APOLD1: variants seen among roughly 807,000 people sequenced by gnomAD.
The protein encoded by APOLD1 is apolipoprotein L domain-containing protein 1.
APOLD1 carries 22 observed loss-of-function variants against 15.3 expected under a neutral mutation model. The observed-to-expected ratio is 1.44, with a 90% confidence interval of 1.03 to 2.05. APOLD1 has a LOEUF of 2.05. Among genes scored for constraint, APOLD1 ranks in the 30% most tolerant of loss-of-function variants. The pLI is 0.00. For missense variants in APOLD1, 394 were observed against 353.5 expected, an observed-to-expected ratio of 1.11 and a Z score of -0.92; for synonymous variants, 190 against 167.4, an observed-to-expected ratio of 1.13 and a Z score of -1.04.
chr12:12,773,252 C>G (rs979077865), intron 1 of APOLD1, among the ~76,000 whole-genome samples: 4 of 152,066 alleles, frequency 2.6e-5, no homozygotes, highest in African/African-American at 9.7e-5. Flanking sequence ...AAAAGAAGAA[C>G]AAATTAAGTC....
In APOLD1 at chr12:12,773,353, G is replaced by A. The variant is rs369419153; in HGVS notation, c.97-13556G>A. Among the ~76,000 whole-genome samples, 8 of 152,206 alleles carry A rather than the reference G, an allele frequency of 5.3e-5. No homozygotes were observed. In the East Asian group the frequency reaches 7.7e-4, roughly 15 times the overall value. On this transcript the variant is annotated intron_variant, in intron 1 of 1. Transcript: ENST00000326765. ...AAGTGGGAAGATTGCTTGAGGCCAG[G>A]AGTTCAAGAACCAGGGTGGGCAACA...
chr12:12,734,952 C>T (rs1402269454), intron 1 of APOLD1, among the ~76,000 whole-genome samples: 4 of 152,130 alleles, frequency 2.6e-5, no homozygotes, highest in African/African-American at 9.7e-5. Flanking sequence ...GGATGAGTGC[C>T]ATGAAGGGAC....
chr12:12,763,592 G>A (rs1592301709), intron 1 of APOLD1, among the ~76,000 whole-genome samples: 1 of 152,084 alleles, frequency 6.6e-6, no homozygotes, highest in Admixed American at 6.6e-5. Flanking sequence ...TGTAGCATTT[G>A]CATTCTATCA....
intron 1 of APOLD1, among the ~76,000 whole-genome samples, chr12:12,749,514 G>T (rs968045828): frequency 2.0e-5 from 3 of 152,218 alleles, no homozygotes; most frequent in Admixed American, 6.5e-5. Flanking sequence ...CAGAGTCTTA[G>T]TTTCCATAGA....
chr12:12,741,390 T>C (rs755747365), intron 1 of APOLD1, among the ~76,000 whole-genome samples: 9 of 152,118 alleles, frequency 5.9e-5, no homozygotes, highest in Non-Finnish European at 1.0e-4. Context: ...ACATTTTTCT[T>C]TTTTTGTAGA....
chr12:12,738,751 G>C (rs1329781868), intron 1 of APOLD1, among the ~76,000 whole-genome samples: 1 of 152,128 alleles, frequency 6.6e-6, no homozygotes, highest in African/African-American at 2.4e-5. Context: ...AAAGAAGTTT[G>C]ACATCTGCCT....
intron 1 of APOLD1, among the ~76,000 whole-genome samples, chr12:12,730,026 TTGTGTGTGTGTGTGTGTGTG>T (rs749843349): frequency 3.1e-4 from 36 of 117,736 alleles, no homozygotes; most frequent in African/African-American, 6.8e-4. Context: ...CCAGCTAACT[TTGTGTGTGTGTGTGTGTGTG>T]TGTGTGTGTG....
chr12:12,750,488 A>G (rs1416233383), intron 1 of APOLD1, among the ~76,000 whole-genome samples: 1 of 151,726 alleles, frequency 6.6e-6, no homozygotes, highest in African/African-American at 2.4e-5. Flanking sequence ...TTTATCTTTA[A>G]TGTCTCATGA....
intron 1 of APOLD1, among the ~76,000 whole-genome samples, chr12:12,773,740 T>C (rs1947005872): frequency 6.6e-6 from 1 of 152,140 alleles, no homozygotes; most frequent in Non-Finnish European, 1.5e-5. Context: ...GGTGAAAGAC[T>C]AGAAAAACAG....
intron 1 of APOLD1, 47 bp from the exon 2 acceptor site, chr12:12,786,862 G>A (rs1565439018): frequency 7.3e-7 from 1 of 1,368,170 alleles, no homozygotes; most frequent in Non-Finnish European, 9.4e-7. Flanking sequence ...CGGGAGCGGC[G>A]GCTGGCACGG....
intron 1 of APOLD1, among the ~76,000 whole-genome samples, chr12:12,776,715 GC>G (rs1315370924): frequency 5.3e-5 from 8 of 152,176 alleles, no homozygotes; most frequent in African/African-American, 1.9e-4. Flanking sequence ...AGTAAGATTA[GC>G]AAAGATACAT....
intron 1 of APOLD1, among the ~76,000 whole-genome samples, chr12:12,755,036 G>A (rs1051149765): frequency 1.4e-4 from 22 of 151,896 alleles, no homozygotes; most frequent in African/African-American, 2.4e-4. Flanking sequence ...ACAGAGTGAG[G>A]CCCTCTCTCA....
chr12:12,781,057 G>A (rs554061861), upstream of APOLD1, among the ~76,000 whole-genome samples: 1 of 152,152 alleles, frequency 6.6e-6, no homozygotes, highest in Non-Finnish European at 1.5e-5. Context: ...ATTGTGAATA[G>A]CAAAATACTG....
At position 12,732,299 on chromosome 12, in the gene APOLD1, G is replaced by A. The variant is rs151164843; in HGVS notation, c.96+6203G>A. Among the ~76,000 whole-genome samples the A allele has an allele frequency of 1.6e-4, 24 of 152,238 alleles. 1 individual carries two copies. The East Asian group carries it at 3.7e-3, about 23-fold the overall frequency. The stretch of plus-strand genomic sequence containing the variant: ...CATACACACACATTTTATATACTGC[G>A]CATTTAAAATGTATGTACTTTTCAG... On this transcript the variant is annotated intron_variant, in intron 1 of 1. Coordinates refer to the APOLD1 transcript ENST00000326765.
chr12:12,734,218 T>C (rs1946665747), intron 1 of APOLD1, among the ~76,000 whole-genome samples: 1 of 152,224 alleles, frequency 6.6e-6, no homozygotes, highest in East Asian at 1.9e-4. Context: ...TTTTGCCATA[T>C]GGGATTTTAC....
At chr12:12,784,338 G>C (rs567985567), upstream of APOLD1, among the ~76,000 whole-genome samples, 10 of 152,254 alleles carry the variant, frequency 6.6e-5, no homozygotes, top group Admixed American at 2.6e-4. Context: ...CCCATTTGGA[G>C]TGACCATGTC....
Position 12,734,691 on chromosome 12 carries a change from T to C in APOLD1, c.96+8595T>C, listed in dbSNP as rs1317816526. On this transcript the variant is annotated intron_variant, in intron 1 of 1. Coordinates refer to the APOLD1 transcript ENST00000326765. ...CCACATATTCAGAATCAAAAGAAGATGATCTTATAATAGCGTAGGCTGAAC... is the reference window on the plus strand; with the variant it reads ...CCACATATTCAGAATCAAAAGAAGACGATCTTATAATAGCGTAGGCTGAAC... 2.0e-5 allele frequency among the ~76,000 whole-genome samples: 3 copies of C among 152,248 alleles called. No homozygotes were observed. In the East Asian group the frequency reaches 5.8e-4, roughly 29 times the overall value.
At chr12:12,743,421 T>C (rs951085953) in intron 1 of APOLD1, among the ~76,000 whole-genome samples, 48 of 151,328 alleles carry the variant, frequency 3.2e-4, no homozygotes, top group African/African-American at 1.1e-3. Context: ...AGGAGAGCGG[T>C]TTGGATTATC....
chr12:12,782,167 G>C (rs1033041524), upstream of APOLD1, among the ~76,000 whole-genome samples: 1 of 152,114 alleles, frequency 6.6e-6, no homozygotes, highest in Non-Finnish European at 1.5e-5. Flanking sequence ...GCTGAGGCAG[G>C]AGAATCGTTT....
Sources: allele counts gnomAD v4.1 joint callset (sites outside exome capture counted in the v4.1 genomes callset), GRCh38; gene constraint gnomAD v4.1.1; transcripts MANE v1.5; gene names NCBI Gene and HGNC (gene_info 2026-07-23, HGNC 2026-07-21).